NKAIN2: variants seen among roughly 807,000 people sequenced by gnomAD.
NKAIN2 encodes the protein sodium/potassium-transporting ATPase subunit beta-1-interacting protein 2.
Under a neutral mutation model 32.6 loss-of-function variants are expected in NKAIN2, and 14 were observed. The ratio of observed to expected loss-of-function variants is 0.43; its 90% CI spans 0.28 to 0.67. NKAIN2 has a LOEUF of 0.67. Ranked by LOEUF, NKAIN2 falls within the 30% of genes least tolerant of loss-of-function variation. NKAIN2 has a pLI of 0.17. For synonymous variants in NKAIN2, 80 were observed against 87.2 expected (o/e 0.92, Z 0.46); for missense variants, 198 against 258.3 (o/e 0.77, Z 1.60).
intron 1 of NKAIN2, among the ~76,000 whole-genome samples, chr6:124,134,864 G>A (rs909458882): frequency 2.0e-5 from 3 of 152,032 alleles, no homozygotes; most frequent in African/African-American, 7.2e-5. Context: ...AAGTCAAGAT[G>A]AAGGAAAAAA....
At chr6:123,809,016 C>T (rs761728441) in intron 1 of NKAIN2, among the ~76,000 whole-genome samples, 29 of 152,116 alleles carry the variant, frequency 1.9e-4, no homozygotes, top group East Asian at 1.4e-3. Flanking sequence ...ATTAAATATT[C>T]GTATATACAG....
At chr6:123,896,201 T>C (rs55782527) in intron 1 of NKAIN2, among the ~76,000 whole-genome samples, 12,201 of 152,308 alleles carry the variant, frequency 0.08, 642 homozygotes, top group Non-Finnish European at 0.11. Flanking sequence ...GAATGCTTGC[T>C]GTATTGCAGA....
At chr6:124,761,302 A>C (rs1280075814) in intron 4 of NKAIN2, among the ~76,000 whole-genome samples, 1 of 152,178 alleles carries the variant, frequency 6.6e-6, no homozygotes, top group Non-Finnish European at 1.5e-5. Context: ...GGCTAGTTAG[A>C]TGGCCTTCAA....
intron 3 of NKAIN2, among the ~76,000 whole-genome samples, chr6:124,419,322 C>A (rs2114527499): frequency 6.6e-6 from 1 of 152,256 alleles, no homozygotes; most frequent in South Asian, 2.1e-4. Flanking sequence ...ACTCTGAAGT[C>A]TCATCTGATC....
At chr6:124,685,410 C>T (rs1018808868) in intron 4 of NKAIN2, among the ~76,000 whole-genome samples, 2 of 152,100 alleles carry the variant, frequency 1.3e-5, no homozygotes, top group Non-Finnish European at 2.9e-5. Context: ...TTTCATTGCT[C>T]AAGACTGACC....
chr6:124,286,486 C>T (rs1795547010), intron 2 of NKAIN2, among the ~76,000 whole-genome samples: 1 of 152,076 alleles, frequency 6.6e-6, no homozygotes, highest in Non-Finnish European at 1.5e-5. Context: ...GAGTTGATTT[C>T]ACTGCACTCT....
At chr6:123,929,953 A>G (rs918262303) in intron 1 of NKAIN2, among the ~76,000 whole-genome samples, 1 of 152,130 alleles carries the variant, frequency 6.6e-6, no homozygotes, top group African/African-American at 2.4e-5. Context: ...GAGAATGGAT[A>G]CTCAACCTAT....
In NKAIN2 at chr6:124,118,541, G is replaced by C. The variant is rs1785728323; in HGVS notation, c.55-164464G>C. Among the ~76,000 whole-genome samples, 3 of 151,988 alleles carry C rather than the reference G, an allele frequency of 2.0e-5. No homozygotes were observed. In the South Asian group the frequency reaches 6.2e-4, roughly 32 times the overall value. On this transcript the variant is annotated intron_variant, in intron 1 of 6. Coordinates refer to ENST00000368417, the MANE Select transcript of NKAIN2 (RefSeq NM_001040214.3). ...GTTCTCGTAGGGAGCACTGTGGTGA[G>C]GTTAACGGCATCCTCAATGATACCC...
intron 1 of NKAIN2, among the ~76,000 whole-genome samples, chr6:124,211,184 G>C (rs1366133040): frequency 6.6e-6 from 1 of 151,712 alleles, no homozygotes; most frequent in Non-Finnish European, 1.5e-5. Context: ...ACTTTAGTAA[G>C]AATCCCAAAA....
intron 4 of NKAIN2, among the ~76,000 whole-genome samples, chr6:124,693,659 G>A (rs57649706): frequency 7.9e-5 from 12 of 152,262 alleles, no homozygotes; most frequent in South Asian, 4.1e-4. Context: ...GGAGTTATTC[G>A]GAGTAGTAGG....
intron 4 of NKAIN2, among the ~76,000 whole-genome samples, chr6:124,726,851 G>C (rs544142273): frequency 1.6e-3 from 194 of 119,524 alleles, no homozygotes; most frequent in African/African-American, 6.0e-3. Flanking sequence ...CCAATACAGA[G>C]AAGTGCTTAA....
chr6:124,432,004 T>C (rs1209230039), intron 3 of NKAIN2, among the ~76,000 whole-genome samples: 1 of 152,184 alleles, frequency 6.6e-6, no homozygotes, highest in Non-Finnish European at 1.5e-5. Context: ...AAGCCATTGT[T>C]TGGCTTTTAG....
Position 123,804,017 on chromosome 6 carries a change from GC to G in NKAIN2, c.-182del. 1 of 617,260 alleles carries G rather than the reference GC, an allele frequency of 1.6e-6. No homozygotes were observed. Among genetic ancestry groups the G allele is most frequent in the Non-Finnish European group, 2.9e-6 (1 of 347,472 alleles). 38.2% of individuals were successfully genotyped at this position (617,260 alleles called of 1,614,324 possible). Reference sequence around the variant, plus strand: ...GGGCGCGGCTGGAGCTGCCGCCGCCGCCGCCGCCGCGCCAGCAGGTCCTAAT... The same window carrying G: ...GGGCGCGGCTGGAGCTGCCGCCGCCGCGCCGCCGCGCCAGCAGGTCCTAAT... On this transcript the variant is annotated 5_prime_UTR_variant, in exon 1 of 7. The change creates a premature stop within an existing upstream ORF in the 5' untranslated region. Coordinates refer to ENST00000368417, the MANE Select transcript of NKAIN2 (RefSeq NM_001040214.3).
intron 1 of NKAIN2, among the ~76,000 whole-genome samples, chr6:124,131,293 T>C (rs921825786): frequency 5.3e-5 from 8 of 152,152 alleles, no homozygotes; most frequent in Middle Eastern, 3.2e-3. Flanking sequence ...TATAGGTGCA[T>C]GCCGCCACGT....
At chr6:124,355,059 G>A (rs1286059940) in intron 2 of NKAIN2, among the ~76,000 whole-genome samples, 1 of 139,284 alleles carries the variant, frequency 7.2e-6, no homozygotes, top group Non-Finnish European at 1.5e-5. Flanking sequence ...AACAGAGTGC[G>A]ACTTTGTCAT....
At chr6:123,905,569 A>G (rs184741195) in intron 1 of NKAIN2, among the ~76,000 whole-genome samples, 34 of 152,308 alleles carry the variant, frequency 2.2e-4, no homozygotes, top group Admixed American at 1.1e-3. Flanking sequence ...CTCAATATGT[A>G]CAGAAATGTG....
At chr6:124,778,307 C>T (rs912457288) in intron 4 of NKAIN2, among the ~76,000 whole-genome samples, 6 of 150,986 alleles carry the variant, frequency 4.0e-5, no homozygotes, top group East Asian at 3.9e-4. Context: ...GTTTAAGGAA[C>T]GAAAACATGG....
chr6:124,103,086 A>T (rs1784965621), intron 1 of NKAIN2, among the ~76,000 whole-genome samples: 1 of 152,206 alleles, frequency 6.6e-6, no homozygotes, highest in Non-Finnish European at 1.5e-5. Context: ...TGAACAAATG[A>T]TGATTTTTAG....
intron 3 of NKAIN2, among the ~76,000 whole-genome samples, chr6:124,588,013 AATC>A (rs149960302): frequency 0.096 from 14,654 of 152,150 alleles, 940 homozygotes; most frequent in African/African-American, 0.18. Context: ...TTCTGCAAGA[AATC>A]ATCAAATGAG....
Sources: gnomAD v4.1 joint callset for allele counts (sites outside exome capture counted in the v4.1 genomes callset) on GRCh38, gnomAD v4.1.1 for gene constraint, MANE v1.5 for transcripts, NCBI Gene and HGNC (gene_info 2026-07-23, HGNC 2026-07-21) for gene names.